Variants in PXDNL observed in about 807,000 individuals in gnomAD.
PXDNL encodes the protein peroxidasin like.
In PXDNL, 145 loss-of-function variants were observed where a neutral mutation model predicts 150.8. The ratio of observed to expected loss-of-function variants is 0.96; its 90% CI spans 0.84 to 1.10. The LOEUF (loss-of-function observed/expected upper bound fraction) is 1.10. Among genes scored for constraint, PXDNL ranks in the 50% least tolerant of loss-of-function variants. The pLI is 0.00. For synonymous variants in PXDNL, 757 were observed against 725.7 expected, an observed-to-expected ratio of 1.04 and a Z score of -0.69; for missense variants, 2,087 against 1,873.9, an observed-to-expected ratio of 1.11 and a Z score of -2.10.
At chr8:51,464,384 T>C (rs1020727603) in intron 8 of PXDNL, among the ~76,000 whole-genome samples, 1 of 152,262 alleles carries the variant, frequency 6.6e-6, no homozygotes, top group Admixed American at 6.5e-5. Context: ...CAGAACTACA[T>C]GAAACTGAGA....
chr8:51,445,713 T>C (rs1485592978), intron 12 of PXDNL, among the ~76,000 whole-genome samples: 1 of 152,208 alleles, frequency 6.6e-6, no homozygotes, highest in East Asian at 1.9e-4. Context: ...GTTTTAATAA[T>C]ATGTGTGGAC....
At chr8:51,435,764 G>T in intron 12 of PXDNL, 1 of 402,148 alleles carries the variant, frequency 2.5e-6, no homozygotes, top group South Asian at 2.2e-5. Context: ...TTGCAAGGGG[G>T]AGTGAAAAAA....
At position 51,408,363 on chromosome 8, in the gene PXDNL, T is replaced by G. The variant is rs1256101169; in HGVS notation, c.3261A>C (p.Ser1087=). 4 of 1,613,896 alleles carry G rather than the reference T, an allele frequency of 2.5e-6. No individual in the cohort carries two copies. The highest frequency in any genetic ancestry group is 3.4e-6 in the Non-Finnish European group (4 of 1,179,906). The stretch of plus-strand genomic sequence containing the variant: ...CACCTTCCTTGATTATTCTGGACGG[T>G]GAAAAGAGCGCTTTATGGAACGGAA... ...GHLPFHKALF[S]PSRIIKEGGI... Residue 1087 remains serine, a synonymous_variant, in exon 17 of 23, where the codon TCA becomes TCC. Transcript: ENST00000356297.
chr8:51,768,236 T>G (rs764045538), intron 1 of PXDNL, among the ~76,000 whole-genome samples: 49 of 152,180 alleles, frequency 3.2e-4, no homozygotes, highest in Non-Finnish European at 5.9e-4. Context: ...TATTTTTAAT[T>G]TATTTTGTCA....
At chr8:51,686,265 T>A (rs1815869369) in intron 1 of PXDNL, among the ~76,000 whole-genome samples, 1 of 152,206 alleles carries the variant, frequency 6.6e-6, no homozygotes, top group South Asian at 2.1e-4. Context: ...CCCAAAGCAA[T>A]GGCTTGGCAT....
intron 2 of PXDNL, among the ~76,000 whole-genome samples, chr8:51,619,653 T>C (rs1814198335): frequency 6.6e-6 from 1 of 152,196 alleles, no homozygotes; most frequent in Non-Finnish European, 1.5e-5. Context: ...ATGTAAGGCA[T>C]GCCTTCTCCC....
At chr8:51,686,309 A>G (rs1172244958) in intron 1 of PXDNL, among the ~76,000 whole-genome samples, 1 of 152,172 alleles carries the variant, frequency 6.6e-6, no homozygotes, top group Admixed American at 6.5e-5. Context: ...AATATAAGAA[A>G]CCACAGCCAT....
At chr8:51,677,363 A>G (rs1458506911) in intron 1 of PXDNL, among the ~76,000 whole-genome samples, 1 of 152,220 alleles carries the variant, frequency 6.6e-6, no homozygotes, top group Admixed American at 6.5e-5. Flanking sequence ...AAAAAAATGT[A>G]TTCGTCTACT....
chr8:51,423,476 T>C (rs1809009132), intron 14 of PXDNL, 99 bp downstream of exon 14: 2 of 938,820 alleles, frequency 2.1e-6, no homozygotes, highest in African/African-American at 1.7e-5. Flanking sequence ...AAAGAAAGTA[T>C]AAGAGAGCAT....
chr8:51,399,085 C>T (rs1464085669), intron 17 of PXDNL, among the ~76,000 whole-genome samples: 4 of 152,028 alleles, frequency 2.6e-5, no homozygotes, highest in African/African-American at 7.3e-5. Context: ...GAAGAACAGA[C>T]AGGAGAAAAA....
chr8:51,532,432 C>T (rs1811925953), intron 4 of PXDNL, among the ~76,000 whole-genome samples: 1 of 152,328 alleles, frequency 6.6e-6, no homozygotes, highest in South Asian at 2.1e-4. Flanking sequence ...ATGGTTACCT[C>T]ACAGTTACTA....
chr8:51,616,290 C>T (rs959440212), intron 2 of PXDNL, among the ~76,000 whole-genome samples: 32 of 152,156 alleles, frequency 2.1e-4, no homozygotes, highest in African/African-American at 7.5e-4. Flanking sequence ...AGAGCAGCCA[C>T]AGATAGAAGG....
intron 1 of PXDNL, among the ~76,000 whole-genome samples, chr8:51,760,675 G>T (rs1032311205): frequency 5.3e-5 from 8 of 151,954 alleles, no homozygotes; most frequent in Non-Finnish European, 8.8e-5. Flanking sequence ...TCCACTATTT[G>T]TACCAGCAAA....
chr8:51,568,602 T>G (rs1188820376), intron 3 of PXDNL, among the ~76,000 whole-genome samples: 1 of 151,720 alleles, frequency 6.6e-6, no homozygotes, highest in Non-Finnish European at 1.5e-5. Context: ...TTATTCTGCT[T>G]TGTGTTCTCT....
At chr8:51,320,759 G>C in intron 22 of PXDNL, 25 bp downstream of exon 22, 1 of 1,557,540 alleles carries the variant, frequency 6.4e-7, no homozygotes, top group Non-Finnish European at 8.8e-7. Flanking sequence ...ATGGGGAGTT[G>C]GACTGGAAAA....
rs532035281 is a variant in PXDNL, at chr8:51,694,867, T to C, written c.165-40107A>G. Among the ~76,000 whole-genome samples the C allele has an allele frequency of 3.9e-5, 6 of 152,366 alleles. No individual in the cohort carries two copies. The East Asian group carries it at 1.2e-3, about 29-fold the overall frequency. Reference sequence around the variant, plus strand: ...GAAATCTACATACATCCAAATCTTATGATGTTTTATGGTACATTGCATTTA... The same window carrying C: ...GAAATCTACATACATCCAAATCTTACGATGTTTTATGGTACATTGCATTTA... On this transcript the variant is annotated intron_variant, in intron 1 of 22. Transcript: ENST00000356297.
intron 19 of PXDNL, among the ~76,000 whole-genome samples, chr8:51,361,163 T>C (rs1806724870): frequency 6.6e-6 from 1 of 152,186 alleles, no homozygotes; most frequent in Admixed American, 6.5e-5. Flanking sequence ...TCTCTGAGTT[T>C]GAGCAAATTT....
intron 1 of PXDNL, among the ~76,000 whole-genome samples, chr8:51,724,141 C>T (rs368468550): frequency 3.0e-4 from 46 of 151,962 alleles, no homozygotes; most frequent in Middle Eastern, 3.4e-3. Context: ...GTTGGGAGGA[C>T]GGGTGGAGAC....
At chr8:51,764,723 A>C (rs1445041704) in intron 1 of PXDNL, among the ~76,000 whole-genome samples, 1 of 152,182 alleles carries the variant, frequency 6.6e-6, no homozygotes, top group Admixed American at 6.5e-5. Context: ...TATATGGGCT[A>C]CCATATGAAC....
Sources: gnomAD v4.1 joint callset for allele counts (sites outside exome capture counted in the v4.1 genomes callset) on GRCh38, gnomAD v4.1.1 for gene constraint, MANE v1.5 for transcripts, NCBI Gene and HGNC (gene_info 2026-07-23, HGNC 2026-07-21) for gene names.